DPYSL3: variants seen among roughly 807,000 people sequenced by gnomAD.
DPYSL3 encodes the protein dihydropyrimidinase-related protein 3.
A neutral mutation model predicts 66.1 loss-of-function variants in DPYSL3; 16 were observed. The ratio of observed to expected loss-of-function variants is 0.24; its 90% CI spans 0.16 to 0.37. The LOEUF is 0.37. Ranked by LOEUF, DPYSL3 falls within the 10% of genes least tolerant of loss-of-function variation. The pLI is 1.00. For synonymous variants in DPYSL3, 338 were observed against 345.1 expected, an observed-to-expected ratio of 0.98 and a Z score of 0.23; for missense variants, 738 against 916.2, an observed-to-expected ratio of 0.81 and a Z score of 2.51.
intron 2 of DPYSL3, among the ~76,000 whole-genome samples, chr5:147,422,204 A>T (rs1228363911): frequency 6.6e-6 from 1 of 152,214 alleles, no homozygotes; most frequent in African/African-American, 2.4e-5. Flanking sequence ...ATGAACAGAC[A>T]CTTCTTAAAA....
chr5:147,406,868 T>C (rs1758335635), intron 7 of DPYSL3, among the ~76,000 whole-genome samples: 1 of 152,198 alleles, frequency 6.6e-6, no homozygotes, highest in Non-Finnish European at 1.5e-5. Flanking sequence ...CCAGTCACTG[T>C]CCATTGTGGG....
chr5:147,500,312 T>C (rs1018384845), intron 1 of DPYSL3, among the ~76,000 whole-genome samples: 5 of 152,072 alleles, frequency 3.3e-5, no homozygotes, highest in Admixed American at 3.3e-4. Flanking sequence ...CACGCAGAAC[T>C]CTTAAAACTC....
rs1415409924 is a variant in DPYSL3, at chr5:147,392,982, T to A, written c.*1053A>T. The A allele has an allele frequency of 1.3e-5, 2 of 152,222 alleles. No homozygotes were observed. The highest frequency in any genetic ancestry group is 3.8e-4 in the East Asian group (2 of 5,196). The allele number at this position is 152,222 out of a possible 1,614,324, so 9.4% of individuals were successfully genotyped here. ...AACTTTCAAAAACTCCTATTTATCATGGATGTGCCAGGATCGAGAGAATCA... is the reference window on the plus strand; with the variant it reads ...AACTTTCAAAAACTCCTATTTATCAAGGATGTGCCAGGATCGAGAGAATCA... On this transcript the variant is annotated 3_prime_UTR_variant, in exon 14 of 14. Transcript: ENST00000343218.
intron 1 of DPYSL3, among the ~76,000 whole-genome samples, chr5:147,476,903 AC>A (rs1753162670): frequency 6.6e-6 from 1 of 152,176 alleles, no homozygotes; most frequent in Admixed American, 6.5e-5. Flanking sequence ...AGAAAGAGAC[AC>A]CCTTTAGATG....
chr5:147,430,509 CA>C (rs555965885), intron 1 of DPYSL3, among the ~76,000 whole-genome samples: 155 of 39,870 alleles, frequency 3.9e-3, no homozygotes, highest in Middle Eastern at 0.012. Context: ...GACTCGGTCT[CA>C]AAAAAAAAAA....
chr5:147,462,450 G>A (rs966435191), intron 1 of DPYSL3, among the ~76,000 whole-genome samples: 43 of 152,078 alleles, frequency 2.8e-4, no homozygotes, highest in African/African-American at 1.0e-3. Flanking sequence ...CTTTGGTAAC[G>A]CACATGAACT....
chr5:147,477,828 C>T (rs1304774800), intron 1 of DPYSL3, among the ~76,000 whole-genome samples: 1 of 151,170 alleles, frequency 6.6e-6, no homozygotes. Context: ...ATGATCCACC[C>T]GCCTCGGCCT....
intron 1 of DPYSL3, among the ~76,000 whole-genome samples, chr5:147,494,499 AG>A (rs1344201926): frequency 6.6e-6 from 1 of 152,020 alleles, no homozygotes; most frequent in Non-Finnish European, 1.5e-5. Context: ...AAAGAAAAAA[AG>A]AGAAAAGATA....
chr5:147,463,352 T>C lies in DPYSL3; in HGVS notation c.382-38389A>G, dbSNP rs1353340970. On this transcript the variant is annotated intron_variant, in intron 1 of 13. Coordinates refer to ENST00000343218, the MANE Select transcript of DPYSL3 (RefSeq NM_001197294.2). ...TTCCTATGGCTTCAGACAGTGCACC[T>C]AGCCATCTACCTTATATGGAAAGAA... Among the ~76,000 whole-genome samples, 3 of 152,126 alleles carry C rather than the reference T, an allele frequency of 2.0e-5. No individual in the cohort carries two copies. The East Asian group carries it at 5.8e-4, about 29-fold the overall frequency.
At chr5:147,483,106 G>A (rs1001086566) in intron 1 of DPYSL3, among the ~76,000 whole-genome samples, 1 of 152,126 alleles carries the variant, frequency 6.6e-6, no homozygotes, top group Non-Finnish European at 1.5e-5. Flanking sequence ...CCATATGGCG[G>A]TGCTCACAGA....
chr5:147,440,836 A>T (rs2126370536), intron 1 of DPYSL3, among the ~76,000 whole-genome samples: 1 of 152,296 alleles, frequency 6.6e-6, no homozygotes, highest in Non-Finnish European at 1.5e-5. Context: ...TCTTAAAAGG[A>T]GATAGAACAG....
chr5:147,471,508 A>G (rs999035134), intron 1 of DPYSL3, among the ~76,000 whole-genome samples: 1 of 152,082 alleles, frequency 6.6e-6, no homozygotes, highest in African/African-American at 2.4e-5. Context: ...CTTGGTCCCA[A>G]TTTCCAATTG....
intron 1 of DPYSL3, among the ~76,000 whole-genome samples, chr5:147,496,473 T>C (rs1393062576): frequency 1.3e-5 from 2 of 151,814 alleles, no homozygotes; most frequent in East Asian, 1.9e-4. Flanking sequence ...ACCTACAAAA[T>C]GGGAGAAAAT....
chr5:147,495,239 C>A (rs1434615377), intron 1 of DPYSL3, among the ~76,000 whole-genome samples: 1 of 152,146 alleles, frequency 6.6e-6, no homozygotes, highest in African/African-American at 2.4e-5. Flanking sequence ...AAATCTAACA[C>A]AGACACCAAA....
At chr5:147,466,913 G>A (rs1221797593) in intron 1 of DPYSL3, among the ~76,000 whole-genome samples, 1 of 152,122 alleles carries the variant, frequency 6.6e-6, no homozygotes, top group Non-Finnish European at 1.5e-5. Flanking sequence ...AGATTGCACC[G>A]AGCAACTTAT....
chr5:147,419,337 G>A (rs369966529), intron 2 of DPYSL3, among the ~76,000 whole-genome samples: 72 of 152,254 alleles, frequency 4.7e-4, no homozygotes, highest in African/African-American at 1.6e-3. Flanking sequence ...CACTAGACAC[G>A]GCTTCGCCCA....
chr5:147,398,658 C>T (rs1758070354), intron 11 of DPYSL3, among the ~76,000 whole-genome samples: 1 of 152,180 alleles, frequency 6.6e-6, no homozygotes, highest in Admixed American at 6.5e-5. Flanking sequence ...TATTCTTTCC[C>T]TTTCCAGGCA....
chr5:147,437,863 A>C (rs752572468), intron 1 of DPYSL3, among the ~76,000 whole-genome samples: 29 of 152,226 alleles, frequency 1.9e-4, no homozygotes, highest in Non-Finnish European at 3.2e-4. Context: ...TGAAGCCCAG[A>C]TTCTCAATAA....
intron 2 of DPYSL3, among the ~76,000 whole-genome samples, chr5:147,422,220 C>T (rs1752095169): frequency 1.3e-5 from 2 of 152,120 alleles, no homozygotes; most frequent in Admixed American, 1.3e-4. Context: ...TAAAAGAAGA[C>T]ATTCATGTGG....
Sources: gnomAD v4.1 joint callset for allele counts (sites outside exome capture counted in the v4.1 genomes callset) on GRCh38, gnomAD v4.1.1 for gene constraint, MANE v1.5 for transcripts, NCBI Gene and HGNC (gene_info 2026-07-23, HGNC 2026-07-21) for gene names.